ZEB1: variants seen among roughly 807,000 people sequenced by gnomAD.
The protein encoded by ZEB1 is zinc finger E-box-binding homeobox 1.
ZEB1 carries 21 observed loss-of-function variants against 84.9 expected under a neutral mutation model. That is an observed-to-expected ratio of 0.25 (90% CI 0.18 to 0.36). ZEB1 has a LOEUF of 0.36. Among genes scored for constraint, ZEB1 ranks in the 10% least tolerant of loss-of-function variants. ZEB1 has a pLI of 1.00. For missense variants in ZEB1, 1,104 were observed against 1,330.2 expected (o/e 0.83, Z 2.65); for synonymous variants, 420 against 471.1 (o/e 0.89, Z 1.41).
chr10:31,441,100 A>G (rs61846174), intron 1 of ZEB1, among the ~76,000 whole-genome samples: 1 of 151,962 alleles, frequency 6.6e-6, no homozygotes, highest in African/African-American at 2.4e-5. Flanking sequence ...CATTGCCAAG[A>G]CAATCCTAAG....
chr10:31,491,478 A>G (rs1044219590), intron 2 of ZEB1, among the ~76,000 whole-genome samples: 3 of 151,824 alleles, frequency 2.0e-5, no homozygotes, highest in African/African-American at 7.2e-5. Context: ...AACTATAAGG[A>G]TTCTCCTAGA....
intron 1 of ZEB1, among the ~76,000 whole-genome samples, chr10:31,446,208 C>T (rs369650928): frequency 6.6e-6 from 1 of 151,998 alleles, no homozygotes; most frequent in African/African-American, 2.4e-5. Context: ...TTGCATAGAG[C>T]TGTTTGTAGT....
chr10:31,427,167 T>C (rs2057055838), intron 1 of ZEB1, among the ~76,000 whole-genome samples: 1 of 152,038 alleles, frequency 6.6e-6, no homozygotes, highest in African/African-American at 2.4e-5. Flanking sequence ...TTCAAAGACG[T>C]GTAATAGTGC....
chr10:31,450,537 C>G (rs1475753137), intron 1 of ZEB1, among the ~76,000 whole-genome samples: 16 of 151,926 alleles, frequency 1.1e-4, no homozygotes. Flanking sequence ...CTTCTCCTTT[C>G]TAATATTTAT....
chr10:31,320,726 CG>C (rs2033737028), intron 1 of ZEB1: 1 of 152,204 alleles, frequency 6.6e-6, no homozygotes, highest in Middle Eastern at 3.1e-3. Context: ...CTGGTTATCT[CG>C]GGGCGATGCT....
At chr10:31,403,718 T>C (rs2052476516) in intron 1 of ZEB1, among the ~76,000 whole-genome samples, 1 of 152,006 alleles carries the variant, frequency 6.6e-6, no homozygotes. Flanking sequence ...TAAAGAGTGA[T>C]TACTAGTATA....
intron 1 of ZEB1, among the ~76,000 whole-genome samples, chr10:31,444,024 C>T (rs1044072553): frequency 6.7e-6 from 1 of 150,302 alleles, no homozygotes; most frequent in Non-Finnish European, 1.5e-5. Context: ...TTTACAGTCC[C>T]ACCAACAGTG....
At chr10:31,378,750 A>C (rs1470899592) in intron 1 of ZEB1, among the ~76,000 whole-genome samples, 1 of 151,922 alleles carries the variant, frequency 6.6e-6, no homozygotes, top group Non-Finnish European at 1.5e-5. Flanking sequence ...AAAATAACCT[A>C]ATTGTTGTGA....
intron 1 of ZEB1, 127 bp downstream of exon 1, chr10:31,319,419 A>G: frequency 1.1e-6 from 1 of 882,632 alleles, no homozygotes; most frequent in Non-Finnish European, 1.8e-6. Flanking sequence ...GTGGAGTGGG[A>G]AAGTAGAAAG....
chr10:31,526,646 T>TA, intron 8 of ZEB1, 26 bp from the exon 9 acceptor site: 1 of 1,611,634 alleles, frequency 6.2e-7, no homozygotes, highest in South Asian at 1.1e-5. Flanking sequence ...ACCACCATTT[T>TA]ATTTAACAGA....
intron 1 of ZEB1, among the ~76,000 whole-genome samples, chr10:31,449,509 G>A (rs961904755): frequency 2.6e-5 from 4 of 151,900 alleles, no homozygotes; most frequent in Non-Finnish European, 4.4e-5. Flanking sequence ...ATTTCGTGTG[G>A]GTTTCATTTT....
At chr10:31,458,269 G>A (rs1031915518) in intron 1 of ZEB1, among the ~76,000 whole-genome samples, 2 of 151,510 alleles carry the variant, frequency 1.3e-5, no homozygotes, top group Non-Finnish European at 2.9e-5. Context: ...AAAAATGAAA[G>A]TTAATAGCAT....
At chr10:31,475,242 A>G (rs926513364) in intron 2 of ZEB1, among the ~76,000 whole-genome samples, 3 of 151,684 alleles carry the variant, frequency 2.0e-5, no homozygotes, top group African/African-American at 7.3e-5. Context: ...AATTAACCCA[A>G]TCAGACAAAA....
At chr10:31,329,433 G>A (rs749101977) in intron 1 of ZEB1, among the ~76,000 whole-genome samples, 1 of 152,084 alleles carries the variant, frequency 6.6e-6, no homozygotes, top group Non-Finnish European at 1.5e-5. Context: ...TTCACCTGCA[G>A]TGGAACTATT....
At chr10:31,385,779 G>A (rs543260715) in intron 1 of ZEB1, among the ~76,000 whole-genome samples, 2 of 152,144 alleles carry the variant, frequency 1.3e-5, no homozygotes, top group East Asian at 1.9e-4. Context: ...GCCAGCCTCA[G>A]CCTCTCAAAG....
intron 1 of ZEB1, among the ~76,000 whole-genome samples, chr10:31,369,908 G>A (rs1188463984): frequency 6.6e-6 from 1 of 152,228 alleles, no homozygotes; most frequent in Non-Finnish European, 1.5e-5. Flanking sequence ...TCTAACAGGT[G>A]TAAAGTAATA....
chr10:31,459,363 G>A (rs541465859), intron 1 of ZEB1, among the ~76,000 whole-genome samples: 2 of 151,964 alleles, frequency 1.3e-5, no homozygotes, highest in Non-Finnish European at 2.9e-5. Context: ...ATAAGGTGAG[G>A]TTTGTGTTAC....
At chr10:31,389,642 T>C (rs1003782124) in intron 1 of ZEB1, 16 of 152,002 alleles carry the variant, frequency 1.1e-4, no homozygotes, top group African/African-American at 3.9e-4. Context: ...TTTGGAGACA[T>C]CTAGACCAGC....
intron 1 of ZEB1, chr10:31,372,967 C>G: frequency 1.0e-6 from 1 of 981,352 alleles, no homozygotes; most frequent in Admixed American, 6.2e-5. Flanking sequence ...AGTTATTGCT[C>G]TTATCAGTTG....
Sources: gnomAD v4.1 joint callset for allele counts (sites outside exome capture counted in the v4.1 genomes callset) on GRCh38, gnomAD v4.1.1 for gene constraint, MANE v1.5 for transcripts, NCBI Gene and HGNC (gene_info 2026-07-23, HGNC 2026-07-21) for gene names.